Variants in MLLT10 observed in about 807,000 individuals in gnomAD.
The protein encoded by MLLT10 is MLLT10 histone lysine methyltransferase DOT1L cofactor, also known as protein AF-10.
In MLLT10, 30 loss-of-function variants were observed where a neutral mutation model predicts 129.1. The observed-to-expected ratio is 0.23, with a 90% CI of 0.17 to 0.32. The LOEUF (loss-of-function observed/expected upper bound fraction) is 0.32. Ranked by LOEUF, MLLT10 falls within the 10% of genes least tolerant of loss-of-function variation. MLLT10 has a pLI of 1.00. For synonymous variants in MLLT10, 490 were observed against 446.4 expected (o/e 1.10, Z -1.23); for missense variants, 1,119 against 1,268.3 (o/e 0.88, Z 1.79).
chr10:21,712,371 G>A lies in MLLT10; in HGVS notation c.1700-1401G>A, dbSNP rs376434844. Reference sequence around the variant, plus strand: ...TGGGACTACAGGCATGTGCCACCATGCCTGGCTAATTTTTATTTTTTGTAG... The same window carrying A: ...TGGGACTACAGGCATGTGCCACCATACCTGGCTAATTTTTATTTTTTGTAG... On this transcript the variant is annotated intron_variant, in intron 13 of 22. Coordinates refer to ENST00000307729, the MANE Select transcript of MLLT10 (RefSeq NM_001195626.3). Among the ~76,000 whole-genome samples the A allele has an allele frequency of 3.6e-4, 55 of 152,166 alleles. 2 individuals carry two copies. The East Asian group carries it at 0.011, about 29-fold the overall frequency.
chr10:21,573,432 G>C (rs1246923227), intron 3 of MLLT10, among the ~76,000 whole-genome samples: 1 of 152,142 alleles, frequency 6.6e-6, no homozygotes, highest in African/African-American at 2.4e-5. Context: ...ACACAGCTGA[G>C]TAGCTTCCTG....
chr10:21,573,504 T>G (rs2040421080), intron 3 of MLLT10, among the ~76,000 whole-genome samples: 1 of 152,228 alleles, frequency 6.6e-6, no homozygotes, highest in Non-Finnish European at 1.5e-5. Flanking sequence ...TCTATTGAGA[T>G]AATGCTATGT....
At chr10:21,643,414 A>T (rs1380129322) in intron 8 of MLLT10, among the ~76,000 whole-genome samples, 1 of 152,168 alleles carries the variant, frequency 6.6e-6, no homozygotes, top group Non-Finnish European at 1.5e-5. Context: ...ATAGTTGTGT[A>T]GGCATTTGTT....
chr10:21,690,530 T>C (rs2053750184), intron 13 of MLLT10, among the ~76,000 whole-genome samples: 1 of 152,120 alleles, frequency 6.6e-6, no homozygotes, highest in Non-Finnish European at 1.5e-5. Context: ...AATGATTAAA[T>C]AAGAGTATTA....
rs187623788 is a variant in MLLT10 at position 21,534,271 on chromosome 10, C to A, written c.-250C>A. Reference sequence around the variant, plus strand: ...ACGCTCCGAGGAGGAAGCGCAGCCCCCTTCCCCTCCCTCGCTGCCCCTGGC... The same window carrying A: ...ACGCTCCGAGGAGGAAGCGCAGCCCACTTCCCCTCCCTCGCTGCCCCTGGC... On this transcript the variant is annotated 5_prime_UTR_variant, in exon 1 of 23. Transcript: ENST00000307729. 6.2e-3 allele frequency: 2,477 copies of A among 400,178 alleles called. 27 individuals are homozygous for A. The highest frequency in any genetic ancestry group is 9.0e-3 in the Non-Finnish European group (2,031 of 226,718). The allele number at this position is 400,178 out of a possible 1,614,324, so 24.8% of individuals were successfully genotyped here. A position where few individuals can be genotyped will look rare whatever the true frequency, so the allele number is the denominator to read the frequency against.
At chr10:21,545,289 T>G in intron 3 of MLLT10, among the ~76,000 whole-genome samples, 2 of 146,260 alleles carry the variant, frequency 1.4e-5, no homozygotes, top group Non-Finnish European at 3.0e-5. Context: ...TTTGGGAGAG[T>G]AAGAGAACTG....
chr10:21,564,234 C>G (rs947213319), intron 3 of MLLT10, among the ~76,000 whole-genome samples: 3 of 152,068 alleles, frequency 2.0e-5, no homozygotes, highest in Non-Finnish European at 2.9e-5. Flanking sequence ...TGGGTGTATG[C>G]CACTACACCC....
intron 8 of MLLT10, among the ~76,000 whole-genome samples, chr10:21,633,576 T>A (rs1027821942): frequency 2.0e-5 from 3 of 152,118 alleles, no homozygotes; most frequent in Non-Finnish European, 2.9e-5. Context: ...CTTCTAGTAG[T>A]CCCAGCTACT....
At chr10:21,599,573 T>C (rs2043328610) in intron 5 of MLLT10, among the ~76,000 whole-genome samples, 1 of 152,166 alleles carries the variant, frequency 6.6e-6, no homozygotes, top group African/African-American at 2.4e-5. Flanking sequence ...AGTTTACTTA[T>C]TTGATCAAAG....
At chr10:21,635,085 C>A (rs2047337366) in intron 8 of MLLT10, among the ~76,000 whole-genome samples, 1 of 152,166 alleles carries the variant, frequency 6.6e-6, no homozygotes, top group South Asian at 2.1e-4. Flanking sequence ...TCATACCAGT[C>A]CTTCTTACTG....
chr10:21,688,753 A>G (rs762128328), intron 13 of MLLT10, among the ~76,000 whole-genome samples: 12 of 152,206 alleles, frequency 7.9e-5, no homozygotes, highest in Middle Eastern at 3.4e-3. Context: ...ATTGCTTCAG[A>G]CTTGGTAGGT....
chr10:21,740,080 GCAC>G lies in MLLT10; in HGVS notation c.3012_3014del (p.His1004del). 8 of 1,613,882 alleles carry G rather than the reference GCAC, an allele frequency of 5.0e-6. No individual in the cohort carries two copies. Among genetic ancestry groups the G allele is most frequent in the Non-Finnish European group, 6.8e-6 (8 of 1,179,922 alleles). ...AGTTAATGCAACATCACCACCAGCA[GCAC>G]CACCAACCTGAACTTCAGCAGCTGC... On this transcript the variant is annotated inframe_deletion, in exon 22 of 23. Transcript: ENST00000307729.
At chr10:21,578,486 T>C (rs1589044737) in intron 3 of MLLT10, among the ~76,000 whole-genome samples, 1 of 152,224 alleles carries the variant, frequency 6.6e-6, no homozygotes, top group Non-Finnish European at 1.5e-5. Context: ...TAGTTATTTT[T>C]TCTTTTATTG....
intron 13 of MLLT10, among the ~76,000 whole-genome samples, chr10:21,696,659 T>C (rs2131455764): frequency 6.6e-6 from 1 of 152,356 alleles, no homozygotes; most frequent in South Asian, 2.1e-4. Flanking sequence ...AGCATGTGTG[T>C]CCAACTCTTT....
intron 10 of MLLT10, 32 bp from the exon 11 acceptor site, chr10:21,673,318 C>CGTT: frequency 3.3e-6 from 1 of 307,340 alleles, no homozygotes; most frequent in Non-Finnish European, 5.0e-6. Context: ...CACCCCCCAA[C>CGTT]TTTTTTTTTT....
chr10:21,671,237 G>T (rs564026652), intron 10 of MLLT10, among the ~76,000 whole-genome samples: 1 of 152,164 alleles, frequency 6.6e-6, no homozygotes, highest in Admixed American at 6.5e-5. Flanking sequence ...GGCTGGTCTC[G>T]AACTGCTGAT....
rs142206435 is a variant in MLLT10, at chr10:21,546,529, C to T, written c.240+7617C>T. On this transcript the variant is annotated intron_variant, in intron 3 of 22. Transcript: ENST00000307729. ...AAGCGATTCTCCTGCCTCAGCCTCC[C>T]GAGTAGCTGAGACTGCAGGCACGCC... Among the ~76,000 whole-genome samples, 1,342 of 151,330 alleles carry T rather than the reference C, an allele frequency of 8.9e-3. 14 individuals are homozygous for T. The highest frequency in any genetic ancestry group is 0.031 in the African/African-American group (1,263 of 41,244).
intron 8 of MLLT10, among the ~76,000 whole-genome samples, chr10:21,632,410 A>G (rs1319982155): frequency 3.9e-5 from 6 of 152,158 alleles, no homozygotes; most frequent in African/African-American, 9.7e-5. Flanking sequence ...ATGATAGCCT[A>G]TTGTTTTCCA....
chr10:21,575,804 G>A (rs1469280996), intron 3 of MLLT10, among the ~76,000 whole-genome samples: 2 of 152,058 alleles, frequency 1.3e-5, no homozygotes, highest in Non-Finnish European at 2.9e-5. Flanking sequence ...GTATTTTGAA[G>A]CCTTGTTTTT....
Sources: gnomAD v4.1 joint callset for allele counts (sites outside exome capture counted in the v4.1 genomes callset) on GRCh38, gnomAD v4.1.1 for gene constraint, MANE v1.5 for transcripts, NCBI Gene and HGNC (gene_info 2026-07-23, HGNC 2026-07-21) for gene names.